Variants in DCAF8L2 observed in about 807,000 individuals in gnomAD.
DCAF8L2 encodes DDB1- and CUL4-associated factor 8-like protein 2.
For synonymous variants in DCAF8L2, 200 were observed against 190.9 expected, an observed-to-expected ratio of 1.05 and a Z score of -0.39; for missense variants, 430 against 490.7, an observed-to-expected ratio of 0.88 and a Z score of 1.17.
intron 4 of DCAF8L2, among the ~76,000 whole-genome samples, chrX:27,735,665 T>C (rs183052495): frequency 3.6e-5 from 4 of 111,891 alleles, no homozygotes; most frequent in African/African-American, 1.3e-4. Context: ...CTTTCTACCA[T>C]ACATGCATAT....
chrX:27,614,148 C>G (rs1927337942), intron 1 of DCAF8L2, among the ~76,000 whole-genome samples: 1 of 111,072 alleles, frequency 9.0e-6, no homozygotes, highest in East Asian at 2.8e-4. Context: ...TTGGTCTATT[C>G]AGGGATTCAA....
chrX:27,540,986 T>C, the DCAF8L2 span, among the ~76,000 whole-genome samples: 1 of 112,324 alleles, frequency 8.9e-6, no homozygotes, highest in African/African-American at 3.2e-5. Flanking sequence ...ATTGTTGTCA[T>C]CAGAGTGAAG....
intron 1 of DCAF8L2, among the ~76,000 whole-genome samples, chrX:27,591,258 G>A (rs1196924011): frequency 9.1e-6 from 1 of 110,056 alleles, no homozygotes; most frequent in African/African-American, 3.3e-5. Context: ...ATTTGTGTGT[G>A]TGTTAGTATC....
chrX:27,581,420 A>G, the DCAF8L2 span, among the ~76,000 whole-genome samples: 4 of 111,366 alleles, frequency 3.6e-5, no homozygotes, highest in Non-Finnish European at 7.5e-5. Context: ...TTTTTCTAAT[A>G]TATCTTTACT....
At chrX:27,635,927 T>C (rs1231587743) in intron 2 of DCAF8L2, among the ~76,000 whole-genome samples, 4 of 108,866 alleles carry the variant, frequency 3.7e-5, no homozygotes, top group Non-Finnish European at 5.7e-5. Context: ...TTCTCCTGCC[T>C]CAGCCTCCCA....
At chrX:27,571,863 G>A in the DCAF8L2 span, among the ~76,000 whole-genome samples, 1 of 111,160 alleles carries the variant, frequency 9.0e-6, no homozygotes, top group Non-Finnish European at 1.9e-5. Flanking sequence ...TTGGTAGCAT[G>A]TGAGTGAAGC....
At chrX:27,746,687 CT>C (rs764076142) in intron 4 of DCAF8L2, 150 bp from the exon 5 acceptor site, 1 of 387,835 alleles carries the variant, frequency 2.6e-6, no homozygotes. Flanking sequence ...AGGTAAGAAG[CT>C]TTTTGAACCT....
Position 27,646,789 on chromosome X carries a change from G to A in DCAF8L2, c.-220+14789G>A, listed in dbSNP as rs766735122. 2.0e-3 allele frequency among the ~76,000 whole-genome samples: 227 copies of A among 111,016 alleles called. 1 individual carries two copies. The highest frequency in any genetic ancestry group is 7.0e-3 in the African/African-American group (214 of 30,560). On this transcript the variant is annotated intron_variant, in intron 2 of 4. Coordinates refer to ENST00000451261, the MANE Select transcript of DCAF8L2 (RefSeq NM_001353450.2). ...CTTCTCAAAAAAAAGACATACATGC[G>A]GCCAACAAACATGAAAAAAAGCTCA...
intron 4 of DCAF8L2, among the ~76,000 whole-genome samples, chrX:27,741,599 C>G (rs763597868): frequency 1.8e-5 from 2 of 111,834 alleles, no homozygotes; most frequent in South Asian, 3.8e-4. Context: ...GCTAATCAAG[C>G]CTTCTTCCTG....
At chrX:27,588,521 T>C (rs1184516976), upstream of DCAF8L2, among the ~76,000 whole-genome samples, 1 of 111,583 alleles carries the variant, frequency 9.0e-6, no homozygotes, top group African/African-American at 3.3e-5. Flanking sequence ...CTTGGTTGAA[T>C]GGCAGTTCTG....
chrX:27,707,638 G>A (rs923531544), intron 3 of DCAF8L2, among the ~76,000 whole-genome samples: 5 of 111,743 alleles, frequency 4.5e-5, no homozygotes, highest in African/African-American at 1.6e-4. Flanking sequence ...AGGGAAAGGA[G>A]CATATATGGA....
chrX:27,485,828 G>A, the DCAF8L2 span, among the ~76,000 whole-genome samples: 1 of 108,991 alleles, frequency 9.2e-6, no homozygotes, highest in South Asian at 3.9e-4. Flanking sequence ...AATATTACAA[G>A]GTTTTCAAAA....
At chrX:27,652,013 T>C (rs1929172301) in intron 2 of DCAF8L2, among the ~76,000 whole-genome samples, 1 of 109,957 alleles carries the variant, frequency 9.1e-6, no homozygotes, top group Non-Finnish European at 1.9e-5. Flanking sequence ...AAGTAGTAAA[T>C]ATGGAGATAC....
intron 1 of DCAF8L2, among the ~76,000 whole-genome samples, chrX:27,620,489 T>C (rs184999519): frequency 4.5e-5 from 5 of 111,841 alleles, no homozygotes; most frequent in African/African-American, 1.6e-4. Context: ...TGAAAGATAA[T>C]GTGAAGAAAA....
At chrX:27,579,356 A>T in the DCAF8L2 span, among the ~76,000 whole-genome samples, 1 of 110,537 alleles carries the variant, frequency 9.0e-6, no homozygotes, top group African/African-American at 3.3e-5. Context: ...TAGCTGAACA[A>T]TGAGAACACA....
intron 3 of DCAF8L2, among the ~76,000 whole-genome samples, chrX:27,689,770 A>G (rs1256943359): frequency 3.6e-5 from 4 of 112,306 alleles, no homozygotes; most frequent in Non-Finnish European, 7.5e-5. Context: ...TGATGCAGCC[A>G]TGAACAAGAC....
At chrX:27,696,044 C>CA (rs1930881438) in intron 3 of DCAF8L2, among the ~76,000 whole-genome samples, 1 of 107,282 alleles carries the variant, frequency 9.3e-6, no homozygotes, top group African/African-American at 3.4e-5. Context: ...AAAGAAAATA[C>CA]AAAAATTAGC....
the DCAF8L2 span, among the ~76,000 whole-genome samples, chrX:27,552,848 C>T: frequency 1.8e-5 from 2 of 111,329 alleles, no homozygotes; most frequent in African/African-American, 3.3e-5. Flanking sequence ...GCATTTAGTC[C>T]GTGGATTGCT....
At chrX:27,506,763 A>G in the DCAF8L2 span, among the ~76,000 whole-genome samples, 2 of 111,378 alleles carry the variant, frequency 1.8e-5, no homozygotes, top group Non-Finnish European at 3.8e-5. Context: ...ATCTTGGCTC[A>G]CTGCAACCTC....
Sources: gnomAD v4.1 joint callset for allele counts (sites outside exome capture counted in the v4.1 genomes callset) on GRCh38, gnomAD v4.1.1 for gene constraint, MANE v1.5 for transcripts, NCBI Gene and HGNC (gene_info 2026-07-23, HGNC 2026-07-21) for gene names.